KIF5B: variants seen among roughly 807,000 people sequenced by gnomAD.
KIF5B encodes the protein kinesin family member 5B.
Under a neutral mutation model 132.8 loss-of-function variants are expected in KIF5B, and 49 were observed. The observed-to-expected ratio is 0.37, with a 90% CI of 0.29 to 0.47. The LOEUF (loss-of-function observed/expected upper bound fraction) is 0.47, where lower values mean the gene tolerates loss of function less well. KIF5B is among the 20% of genes least tolerant of loss of function. The probability of loss-of-function intolerance (pLI) is 1.00; values close to 1 mark genes in which losing one functional copy is unlikely to be tolerated. For missense variants in KIF5B, 780 were observed against 1,144.0 expected (o/e 0.68, Z 4.59); for synonymous variants, 355 against 369.4 (o/e 0.96, Z 0.45).
intron 25 of KIF5B, 123 bp downstream of exon 25, chr10:32,015,386 C>A: frequency 1.5e-6 from 1 of 668,798 alleles, no homozygotes; most frequent in East Asian, 3.0e-5. Context: ...AACTAAATTA[C>A]TTTTATAATG....
In KIF5B at chr10:32,028,581, C is replaced by G; in HGVS notation, c.1582-10G>C. ...TACTCGCTAAAGTTGCCTAAGAGAA[C>G]CCAAAACAAAAAGTATAGTTAAATC... On this transcript the variant is annotated splice_polypyrimidine_tract_variant and intron_variant, in intron 14 of 25. Transcript: ENST00000302418. The G allele has an allele frequency of 6.3e-7, 1 of 1,597,668 alleles. No homozygotes were observed. Among genetic ancestry groups the G allele is most frequent in the Non-Finnish European group, 8.5e-7 (1 of 1,173,904 alleles).
At chr10:32,049,722 G>A (rs1841663461) in intron 1 of KIF5B, among the ~76,000 whole-genome samples, 1 of 145,932 alleles carries the variant, frequency 6.9e-6, no homozygotes, top group Non-Finnish European at 1.5e-5. Context: ...AAGGAGCCAG[G>A]GGTATTGAAC....
intron 2 of KIF5B, 34 bp downstream of exon 2, chr10:32,048,430 T>C: frequency 7.1e-7 from 1 of 1,404,312 alleles, no homozygotes; most frequent in Non-Finnish European, 9.9e-7. Context: ...ATTTACTTAT[T>C]GCTGAGACAA....
rs1189158828 is a variant in KIF5B at position 32,039,266 on chromosome 10, A to AT, written c.393+60dup. ...AAAATTAAAGAAACCAGCATTTACTATTTTTTTAGAACATTATTCTTGCTG... is the reference window on the plus strand; with the variant it reads ...AAAATTAAAGAAACCAGCATTTACTATTTTTTTTAGAACATTATTCTTGCTG... On this transcript the variant is annotated intron_variant, in intron 4 of 25. Coordinates refer to ENST00000302418, the MANE Select transcript of KIF5B (RefSeq NM_004521.3). 18 of 655,028 alleles carry AT rather than the reference A, an allele frequency of 2.7e-5. No homozygotes were observed. In the East Asian group the frequency reaches 5.2e-4, roughly 19 times the overall value. 40.6% of individuals were successfully genotyped at this position (655,028 alleles called of 1,614,324 possible).
intron 22 of KIF5B, 33 bp from the exon 23 acceptor site, chr10:32,018,189 T>C: frequency 6.6e-7 from 1 of 1,510,696 alleles, no homozygotes; most frequent in Non-Finnish European, 9.0e-7. Flanking sequence ...ACAAAAAAAT[T>C]AAAAAAAACT....
At chr10:32,041,389 TAAAG>T (rs1353606953) in intron 2 of KIF5B, among the ~76,000 whole-genome samples, 1 of 152,170 alleles carries the variant, frequency 6.6e-6, no homozygotes, top group Admixed American at 6.5e-5. Context: ...CTGCTTATAA[TAAAG>T]AATCTCTTGT....
At chr10:32,030,831 T>A (rs573961640) in intron 14 of KIF5B, among the ~76,000 whole-genome samples, 1 of 152,202 alleles carries the variant, frequency 6.6e-6, no homozygotes, top group South Asian at 2.1e-4. Context: ...AAATTAGGAG[T>A]AGCAAACATC....
chr10:32,017,394 T>A, intron 23 of KIF5B, 35 bp from the exon 24 acceptor site: 1 of 1,510,500 alleles, frequency 6.6e-7, no homozygotes, highest in South Asian at 1.1e-5. Context: ...GATTCCAGAT[T>A]TAACAGGATG....
At chr10:32,050,792 A>G (rs1210249087) in intron 1 of KIF5B, among the ~76,000 whole-genome samples, 1 of 152,208 alleles carries the variant, frequency 6.6e-6, no homozygotes, top group African/African-American at 2.4e-5. Context: ...TTAACATTCA[A>G]TTCTACAGGT....
intron 14 of KIF5B, among the ~76,000 whole-genome samples, chr10:32,030,533 T>A (rs939076103): frequency 6.3e-5 from 9 of 142,608 alleles, no homozygotes; most frequent in East Asian, 2.0e-4. Context: ...AAAAAAAAAA[T>A]CTCCATCTAT....
At chr10:32,044,714 A>C (rs1841587316) in intron 2 of KIF5B, among the ~76,000 whole-genome samples, 1 of 152,142 alleles carries the variant, frequency 6.6e-6, no homozygotes, top group African/African-American at 2.4e-5. Context: ...GACAGAGGAC[A>C]CAATTAGCAG....
At position 32,021,151 on chromosome 10, in the gene KIF5B, A is replaced by C. The variant is rs1043929516; in HGVS notation, c.2095-20T>G. ...AGCTTGCTAAAATTTTGGGGGGGAA[A>C]AGGATGTTAAAGTCAGACTAATCAA... On this transcript the variant is annotated intron_variant, in intron 18 of 25. Transcript: ENST00000302418. 1 of 1,607,522 alleles carries C rather than the reference A, an allele frequency of 6.2e-7. No individual in the cohort carries two copies. The highest frequency in any genetic ancestry group is 8.5e-7 in the Non-Finnish European group (1 of 1,174,264).
At chr10:32,044,843 G>A (rs1415884465) in intron 2 of KIF5B, among the ~76,000 whole-genome samples, 1 of 152,180 alleles carries the variant, frequency 6.6e-6, no homozygotes, top group Non-Finnish European at 1.5e-5. Context: ...GCAGAGCCTA[G>A]AATTCAATCT....
rs1235550105 is a variant in KIF5B, at chr10:32,031,299, T to A, written c.1375-20A>T. ...CAAAAGCTATAGGACAGAAAATAAT[T>A]TATTTTCCCCAAAAGTATACAGGTT... On this transcript the variant is annotated intron_variant, in intron 13 of 25. Coordinates refer to ENST00000302418, the MANE Select transcript of KIF5B (RefSeq NM_004521.3). The A allele has an allele frequency of 6.3e-7, 1 of 1,596,366 alleles. No homozygotes were observed. Among genetic ancestry groups the A allele is most frequent in the Non-Finnish European group, 8.6e-7 (1 of 1,166,018 alleles).
In KIF5B at chr10:32,056,181, C is replaced by T. The variant is rs1841760993; in HGVS notation, c.-208G>A. The T allele has an allele frequency of 3.6e-6, 2 of 558,072 alleles. No individual in the cohort carries two copies. Among genetic ancestry groups the T allele is most frequent in the Non-Finnish European group, 3.1e-6 (1 of 326,156 alleles). 34.6% of individuals were successfully genotyped at this position (558,072 alleles called of 1,614,324 possible). On this transcript the variant is annotated 5_prime_UTR_variant, in exon 1 of 26. Transcript: ENST00000302418. ...AGCCGTTAACCCTAATGCTCACTTC[C>T]GATCCATCATGGCAGCCATGGCGGC...
chr10:32,046,139 T>A (rs1841605963), intron 2 of KIF5B, among the ~76,000 whole-genome samples: 1 of 152,074 alleles, frequency 6.6e-6, no homozygotes, highest in South Asian at 2.1e-4. Context: ...CTCTCCAAAG[T>A]GCAAGTATGG....
chr10:32,037,184 C>T (rs534089449), intron 8 of KIF5B, 70 bp downstream of exon 8: 59 of 1,447,672 alleles, frequency 4.1e-5, no homozygotes, highest in Non-Finnish European at 4.6e-5. Context: ...ATGAACCCTG[C>T]GTAACTCCCA....
intron 9 of KIF5B, 64 bp from the exon 10 acceptor site, chr10:32,035,731 T>C (rs1841453370): frequency 6.7e-7 from 1 of 1,488,344 alleles, no homozygotes; most frequent in Non-Finnish European, 9.1e-7. Flanking sequence ...TAAAATAAAC[T>C]CCCAAAAGAC....
chr10:32,031,765 G>A lies in KIF5B; in HGVS notation c.1375-486C>T, dbSNP rs1479838559. Among the ~76,000 whole-genome samples the A allele has an allele frequency of 3.3e-5, 5 of 149,944 alleles. No homozygotes were observed. The East Asian group carries it at 9.9e-4, about 30-fold the overall frequency. ...TGTAATCCCAGCATTTTGGGAGGCC[G>A]AGGCGGGCGGATCACAAGGTCAGGA... On this transcript the variant is annotated intron_variant, in intron 13 of 25. Coordinates refer to ENST00000302418, the MANE Select transcript of KIF5B (RefSeq NM_004521.3).
Sources: allele counts gnomAD v4.1 joint callset (sites outside exome capture counted in the v4.1 genomes callset), GRCh38; gene constraint gnomAD v4.1.1; transcripts MANE v1.5; gene names NCBI Gene and HGNC (gene_info 2026-07-23, HGNC 2026-07-21).